GRM7: variants seen among roughly 807,000 people sequenced by gnomAD.
The protein encoded by GRM7 is glutamate metabotropic receptor 7, also known as metabotropic glutamate receptor 7.
In GRM7, 35 loss-of-function variants were observed where a neutral mutation model predicts 84.5. The ratio of observed to expected loss-of-function variants is 0.41; its 90% CI spans 0.32 to 0.55. The LOEUF (loss-of-function observed/expected upper bound fraction) is 0.55, where lower values mean the gene tolerates loss of function less well. Ranked by LOEUF, GRM7 falls within the 20% of genes least tolerant of loss-of-function variation. The pLI is 0.19. For missense variants in GRM7, 1,003 were observed against 1,194.6 expected, an observed-to-expected ratio of 0.84 and a Z score of 2.36; for synonymous variants, 487 against 455.1, an observed-to-expected ratio of 1.07 and a Z score of -0.89.
At chr3:6,900,088 G>C (rs1047056193) in intron 1 of GRM7, among the ~76,000 whole-genome samples, 1 of 152,192 alleles carries the variant, frequency 6.6e-6, no homozygotes, top group Non-Finnish European at 1.5e-5. Flanking sequence ...GAAATTATTA[G>C]TTAAGATAAT....
At chr3:7,715,497 G>A (rs907315691) in intron 9 of GRM7, among the ~76,000 whole-genome samples, 14 of 152,194 alleles carry the variant, frequency 9.2e-5, no homozygotes, top group Middle Eastern at 3.4e-3. Flanking sequence ...GAAAGAGATG[G>A]TAACATATAT....
chr3:7,297,591 G>A (rs1035421115), intron 2 of GRM7, among the ~76,000 whole-genome samples: 1 of 152,090 alleles, frequency 6.6e-6, no homozygotes, highest in African/African-American at 2.4e-5. Context: ...CACTAATTGG[G>A]ATTCCAGTGT....
rs143619388 is a variant in GRM7, at chr3:7,268,662, C to T, written c.737-30022C>T. 6.2e-4 allele frequency among the ~76,000 whole-genome samples: 95 copies of T among 152,252 alleles called. 1 individual carries two copies. The East Asian group carries it at 0.014, about 22-fold the overall frequency. On this transcript the variant is annotated intron_variant, in intron 2 of 9. Coordinates refer to ENST00000357716, the MANE Select transcript of GRM7 (RefSeq NM_000844.4). ...GTAGAGAGAAAAGGGCCTAGAAAAGCAGAAACAGTGAACAAAAAGAGGATT... is the reference window on the plus strand; with the variant it reads ...GTAGAGAGAAAAGGGCCTAGAAAAGTAGAAACAGTGAACAAAAAGAGGATT...
intron 1 of GRM7, among the ~76,000 whole-genome samples, chr3:7,100,616 G>A (rs1699077628): frequency 1.3e-5 from 2 of 151,660 alleles, no homozygotes. Context: ...CATTTATTTG[G>A]AAATGCGACT....
intron 8 of GRM7, among the ~76,000 whole-genome samples, chr3:7,580,875 A>G (rs1022085926): frequency 1.3e-5 from 2 of 148,926 alleles, no homozygotes; most frequent in African/African-American, 4.8e-5. Context: ...GAGTGGTAAA[A>G]TACAATAGAG....
At chr3:7,318,608 T>C (rs1004792366) in intron 4 of GRM7, among the ~76,000 whole-genome samples, 22 of 152,130 alleles carry the variant, frequency 1.4e-4, no homozygotes, top group African/African-American at 5.1e-4. Flanking sequence ...TGCTGGTTAA[T>C]CTCTTTTCAT....
At chr3:7,632,287 C>T (rs1697890799) in intron 8 of GRM7, among the ~76,000 whole-genome samples, 3 of 152,042 alleles carry the variant, frequency 2.0e-5, no homozygotes, top group Admixed American at 6.6e-5. Context: ...ACTATATTGG[C>T]GAGAATGGAA....
chr3:7,078,200 T>C (rs535692721), intron 1 of GRM7, among the ~76,000 whole-genome samples: 1 of 152,234 alleles, frequency 6.6e-6, no homozygotes, highest in South Asian at 2.1e-4. Flanking sequence ...GTATACAAAC[T>C]CTCCTAGGCT....
chr3:7,159,308 G>T (rs1256282411), intron 2 of GRM7, among the ~76,000 whole-genome samples: 1 of 152,114 alleles, frequency 6.6e-6, no homozygotes, highest in African/African-American at 2.4e-5. Flanking sequence ...ATTCTAAAGG[G>T]CAAGAATATT....
chr3:6,907,000 C>T (rs1424747797), intron 1 of GRM7, among the ~76,000 whole-genome samples: 2 of 152,094 alleles, frequency 1.3e-5, no homozygotes, highest in Non-Finnish European at 2.9e-5. Context: ...TCCCAATATT[C>T]CCTTAATGCA....
intron 1 of GRM7, among the ~76,000 whole-genome samples, chr3:6,920,067 A>G (rs746298938): frequency 3.3e-5 from 5 of 152,204 alleles, no homozygotes; most frequent in African/African-American, 4.8e-5. Flanking sequence ...TGCTCTGCCA[A>G]TTGATTAATA....
At chr3:7,446,099 A>G (rs1697495214) in intron 5 of GRM7, among the ~76,000 whole-genome samples, 1 of 152,222 alleles carries the variant, frequency 6.6e-6, no homozygotes, top group Admixed American at 6.5e-5. Flanking sequence ...GTATGCTGTT[A>G]CTACTCAGGA....
chr3:7,614,340 C>A (rs1696982719), intron 8 of GRM7, among the ~76,000 whole-genome samples: 1 of 152,064 alleles, frequency 6.6e-6, no homozygotes, highest in South Asian at 2.1e-4. Context: ...CACTAACATC[C>A]CAGAGGTGCC....
chr3:7,342,296 A>ACCCTCATCT (rs1692676770), intron 4 of GRM7, among the ~76,000 whole-genome samples: 1 of 152,138 alleles, frequency 6.6e-6, no homozygotes, highest in African/African-American at 2.4e-5. Context: ...CTCAATCCAG[A>ACCCTCATCT]CATCAAAACT....
intron 4 of GRM7, among the ~76,000 whole-genome samples, chr3:7,342,058 A>T (rs1692663893): frequency 6.6e-6 from 1 of 152,176 alleles, no homozygotes; most frequent in Non-Finnish European, 1.5e-5. Flanking sequence ...TGTAACAGAC[A>T]CAGCATTCCA....
chr3:7,067,692 C>A (rs1245394975), intron 1 of GRM7, among the ~76,000 whole-genome samples: 13 of 151,884 alleles, frequency 8.6e-5, no homozygotes, highest in Non-Finnish European at 4.4e-5. Flanking sequence ...AGACTGCAAA[C>A]CAATTGTGTC....
At chr3:7,487,873 T>C (rs540089407) in intron 7 of GRM7, among the ~76,000 whole-genome samples, 59 of 152,228 alleles carry the variant, frequency 3.9e-4, no homozygotes, top group African/African-American at 1.4e-3. Flanking sequence ...CAGCCCGTAA[T>C]GCTAGTCTGA....
intron 4 of GRM7, among the ~76,000 whole-genome samples, chr3:7,330,957 G>GGA (rs1370101954): frequency 2.0e-5 from 3 of 152,080 alleles, no homozygotes; most frequent in Admixed American, 6.6e-5. Flanking sequence ...CCTTCAGAGA[G>GGA]GCATCTCATG....
intron 3 of GRM7, among the ~76,000 whole-genome samples, chr3:7,305,980 A>C (rs772414890): frequency 5.3e-5 from 8 of 152,196 alleles, no homozygotes; most frequent in Non-Finnish European, 5.9e-5. Context: ...AATACTTTCA[A>C]TCATACACAA....
Sources: gnomAD v4.1 joint callset for allele counts (sites outside exome capture counted in the v4.1 genomes callset) on GRCh38, gnomAD v4.1.1 for gene constraint, MANE v1.5 for transcripts, NCBI Gene and HGNC (gene_info 2026-07-23, HGNC 2026-07-21) for gene names.